The following ZNF814 variants were observed in gnomAD, a reference collection of about 807,000 sequenced individuals.
ZNF814 encodes the protein zinc finger protein 814.
ZNF814 carries 5 observed loss-of-function variants against 7.5 expected under a neutral mutation model. That is an observed-to-expected ratio of 0.67 (90% CI 0.35 to 1.40). The LOEUF is 1.40. Ranked by LOEUF, ZNF814 falls within the 40% of genes most tolerant of loss-of-function variation. ZNF814 has a pLI of 0.04. For synonymous variants in ZNF814, 315 were observed against 340.7 expected (o/e 0.92, Z 0.83); for missense variants, 962 against 1,018.0 (o/e 0.94, Z 0.75).
the ZNF814 span, among the ~76,000 whole-genome samples, chr19:57,897,591 C>T: frequency 0.013 from 2,036 of 152,230 alleles, 56 homozygotes; most frequent in African/African-American, 0.045. Context: ...AAGGCATATC[C>T]GCACAGTCAG....
intron 1 of ZNF814, among the ~76,000 whole-genome samples, 185 bp from the exon 2 acceptor site, chr19:57,877,227 G>A (rs2071614208): frequency 6.6e-6 from 1 of 152,098 alleles, no homozygotes; most frequent in South Asian, 2.1e-4. Flanking sequence ...TCTGTGTGGT[G>A]GTTGTGACGT....
rs1014409725 is a variant in ZNF814, at chr19:57,888,498, G to C, written c.36+269C>G. ...TGCTTGCTCTTCCAGGAGGAGCTCCGCCTCATAATTTGCTCCCAACAGGCA... is the reference window on the plus strand; with the variant it reads ...TGCTTGCTCTTCCAGGAGGAGCTCCCCCTCATAATTTGCTCCCAACAGGCA... On this transcript the variant is annotated intron_variant, in intron 1 of 2. Transcript: ENST00000435989. 5.3e-5 allele frequency among the ~76,000 whole-genome samples: 8 copies of C among 152,084 alleles called. No individual in the cohort carries two copies. The East Asian group carries it at 1.4e-3, about 26-fold the overall frequency.
At chr19:57,902,684 G>A in the ZNF814 span, among the ~76,000 whole-genome samples, 6 of 149,150 alleles carry the variant, frequency 4.0e-5, no homozygotes, top group Admixed American at 6.7e-5. Context: ...TTTTGAGACC[G>A]GAGTCTCGCT....
rs748819723 is a variant in ZNF814 at position 57,873,932 on chromosome 19, G to C, written c.1458C>G (p.His486Gln). Residue 486 changes from histidine (H) to glutamine (Q), a missense_variant, in exon 3 of 3, where the codon CAC becomes CAG. By Grantham distance (24) the His-to-Gln change is conservative (BLOSUM62 0). Coordinates refer to ENST00000435989, the MANE Select transcript of ZNF814 (RefSeq NM_001144989.2). Reference protein sequence around the residue: ...KRSLVHHQRVHSGERPYQCGE... With the variant: ...KRSLVHHQRVQSGERPYQCGE... The stretch of plus-strand genomic sequence containing the variant: ...CACACTGATAAGGTCTTTCTCCACT[G>C]TGAACTCGCTGATGGTGAACAAGGC... The C allele has an allele frequency of 8.7e-6, 14 of 1,613,804 alleles. No homozygotes were observed. In the South Asian group the frequency reaches 1.5e-4, roughly 18 times the overall value.
chr19:57,889,319 G>C (rs1289682453), upstream of ZNF814, among the ~76,000 whole-genome samples: 1 of 152,134 alleles, frequency 6.6e-6, no homozygotes, highest in African/African-American at 2.4e-5. Context: ...CAAGTCACAA[G>C]GATCATTTGA....
rs1229133666 is a variant in ZNF814, at chr19:57,874,718, G to A, written c.672C>T (p.Ser224=). 1.9e-6 allele frequency: 3 copies of A among 1,595,468 alleles called. No homozygotes were observed. Among genetic ancestry groups the A allele is most frequent in the Non-Finnish European group, 2.6e-6 (3 of 1,170,166 alleles). ...GGTGCTGACTGAGTATATGTTTGGTGCTAAAATGTTTCATGGATTCTCCAC... is the reference window on the plus strand; with the variant it reads ...GGTGCTGACTGAGTATATGTTTGGTACTAAAATGTTTCATGGATTCTCCAC... ...YSCGESMKHF[S]TKHILSQHQR... is the part of the protein sequence containing the mutation. The change falls in exon 3 of 3, where the codon AGC becomes AGT. Residue 224 remains serine (S), a synonymous_variant. Transcript: ENST00000435989.
chr19:57,888,693 G>A (rs2071713667), intron 1 of ZNF814, 74 bp downstream of exon 1: 2 of 1,529,034 alleles, frequency 1.3e-6, no homozygotes, highest in African/African-American at 2.8e-5. Flanking sequence ...GCAGAGCCGT[G>A]AACAGGCGCT....
the ZNF814 span, chr19:57,901,783 T>C: frequency 3.0e-5 from 12 of 398,502 alleles, no homozygotes; most frequent in Non-Finnish European, 4.9e-5. Context: ...GTACTTACTG[T>C]GGCGGTAAGC....
the ZNF814 span, among the ~76,000 whole-genome samples, chr19:57,896,765 A>G: frequency 6.6e-6 from 1 of 152,204 alleles, no homozygotes; most frequent in Non-Finnish European, 1.5e-5. The surrounding 1 kb of genome is among the most constrained non-coding windows in gnomAD (Gnocchi z 4.2). Context: ...GTGGCTCTGA[A>G]TAATAGATTG....
rs2071546750 is a variant in ZNF814, at chr19:57,870,298, T to C, written c.*2524A>G. 1 of 152,084 alleles carries C rather than the reference T, an allele frequency of 6.6e-6. No individual in the cohort carries two copies. The highest frequency in any genetic ancestry group is 2.1e-4 in the South Asian group (1 of 4,808). 9.4% of individuals were successfully genotyped at this position (152,084 alleles called of 1,614,324 possible). A position where few individuals can be genotyped will look rare whatever the true frequency, so the allele number is the denominator to read the frequency against. On this transcript the variant is annotated 3_prime_UTR_variant, in exon 3 of 3. Transcript: ENST00000435989. ...TGCAGTTCAAAAGAAAAATATAGATTTACCATTATTTTTGGAAAACAGGTT... is the reference window on the plus strand; with the variant it reads ...TGCAGTTCAAAAGAAAAATATAGATCTACCATTATTTTTGGAAAACAGGTT...
At chr19:57,884,119 G>C (rs2071670806) in intron 1 of ZNF814, among the ~76,000 whole-genome samples, 3 of 152,068 alleles carry the variant, frequency 2.0e-5, no homozygotes, top group Non-Finnish European at 4.4e-5. Context: ...TGGACTAATG[G>C]CATCAGATCA....
In ZNF814 at chr19:57,870,971, C is replaced by G. The variant is rs899475579; in HGVS notation, c.*1851G>C. On this transcript the variant is annotated 3_prime_UTR_variant, in exon 3 of 3. Transcript: ENST00000435989. ...CTCCAGCCTGGGCAACAGGGTGAGGCTCTGCCTCAAAAAAAAAGAAAAAAA... is the reference window on the plus strand; with the variant it reads ...CTCCAGCCTGGGCAACAGGGTGAGGGTCTGCCTCAAAAAAAAAGAAAAAAA... 1 of 150,880 alleles carries G rather than the reference C, an allele frequency of 6.6e-6. No homozygotes were observed. The highest frequency in any genetic ancestry group is 2.4e-5 in the African/African-American group (1 of 40,958). The allele number at this position is 150,880 out of a possible 1,614,324, so 9.3% of individuals were successfully genotyped here.
At chr19:57,886,987 A>G (rs1255817559) in intron 1 of ZNF814, among the ~76,000 whole-genome samples, 2 of 151,904 alleles carry the variant, frequency 1.3e-5, no homozygotes, top group Non-Finnish European at 2.9e-5. Flanking sequence ...CGGGAGTTTG[A>G]GACCAGCCTG....
At chr19:57,901,588 G>T in the ZNF814 span, 1 of 398,622 alleles carries the variant, frequency 2.5e-6, no homozygotes, top group Non-Finnish European at 4.4e-6. Flanking sequence ...GGAAGAGCCA[G>T]AACTCCCTAT....
chr19:57,878,936 T>G (rs1438572704), intron 1 of ZNF814, among the ~76,000 whole-genome samples: 1 of 151,712 alleles, frequency 6.6e-6, no homozygotes, highest in East Asian at 1.9e-4. Flanking sequence ...CACATACACA[T>G]GCACACAAGG....
At chr19:57,890,042 C>T (rs1233841376), upstream of ZNF814, among the ~76,000 whole-genome samples, 1 of 151,644 alleles carries the variant, frequency 6.6e-6, no homozygotes, top group Non-Finnish European at 1.5e-5. Context: ...TAGATGTTCC[C>T]AAAGGCTACA....
At chr19:57,883,176 GTGA>G (rs2071662349) in intron 1 of ZNF814, among the ~76,000 whole-genome samples, 1 of 151,862 alleles carries the variant, frequency 6.6e-6, no homozygotes, top group Non-Finnish European at 1.5e-5. Context: ...GGCTAATGGG[GTGA>G]AACCCCATCT....
upstream of ZNF814, among the ~76,000 whole-genome samples, chr19:57,891,662 T>G (rs1045367675): frequency 2.0e-5 from 3 of 152,158 alleles, no homozygotes; most frequent in African/African-American, 7.2e-5. Context: ...CCATCCTGGC[T>G]AACAACAGGG....
In ZNF814 at chr19:57,872,935, T is replaced by C; in HGVS notation, c.2455A>G (p.Lys819Glu). 2 of 1,613,262 alleles carry C rather than the reference T, an allele frequency of 1.2e-6. No homozygotes were observed. Among genetic ancestry groups the C allele is most frequent in the Non-Finnish European group, 1.7e-6 (2 of 1,179,784 alleles). ...GGCTTTTCTCCAGTGTGAACTCTCT[T>C]GTGTTTAGTGAGACTGGAGCTTTCA... is the stretch of plus-strand genomic sequence containing the variant. ...FAESSSLTKH[K>E]RVHTGEKPYK... The change falls in exon 3 of 3, where the codon AAG becomes GAG. Residue 819 changes from lysine (K) to glutamate (E), a missense_variant. Around this residue, in one of 7 missense-constraint regions of ZNF814, gnomAD observed 665 missense variants for 551.4 expected, o/e 1.21. Transcript: ENST00000435989.
Sources: allele counts gnomAD v4.1 joint callset (sites outside exome capture counted in the v4.1 genomes callset), GRCh38; gene constraint gnomAD v4.1.1; regional missense constraint gnomAD v4.1.1; non-coding constraint Gnocchi (gnomAD v3.1); transcripts MANE v1.5; gene names NCBI Gene and HGNC (gene_info 2026-07-23, HGNC 2026-07-21).